R3HDM1: variants seen among roughly 807,000 people sequenced by gnomAD.
R3HDM1 encodes the protein R3H domain containing 1, also known as R3H domain-containing protein 1.
Under a neutral mutation model 141.1 loss-of-function variants are expected in R3HDM1, and 46 were observed. That is an observed-to-expected ratio of 0.33 (90% CI 0.26 to 0.42). The LOEUF is 0.42. R3HDM1 is among the 10% of genes least tolerant of loss of function. R3HDM1 has a pLI of 1.00. For missense variants in R3HDM1, 1,184 were observed against 1,368.3 expected (o/e 0.87, Z 2.12); for synonymous variants, 435 against 472.9 (o/e 0.92, Z 1.04).
intron 1 of R3HDM1, among the ~76,000 whole-genome samples, chr2:135,567,392 G>A (rs1703040366): frequency 6.6e-6 from 1 of 152,134 alleles, no homozygotes; most frequent in African/African-American, 2.4e-5. Context: ...TTGTGTATAT[G>A]CATACACGTA....
chr2:135,557,999 A>T (rs150031261), intron 1 of R3HDM1, among the ~76,000 whole-genome samples: 635 of 152,338 alleles, frequency 4.2e-3, no homozygotes, highest in Middle Eastern at 0.02. Flanking sequence ...CTAGAGAAGT[A>T]CGTATTTTAA....
intron 24 of R3HDM1, among the ~76,000 whole-genome samples, chr2:135,719,063 G>A (rs1352323213): frequency 2.6e-5 from 4 of 152,090 alleles, no homozygotes; most frequent in African/African-American, 9.7e-5. Flanking sequence ...CAGGAGAATC[G>A]CTTGAACCCG....
rs1273248994 is a variant in R3HDM1, at chr2:135,638,795, G to A, written c.992+6G>A. On this transcript the variant is annotated splice_donor_region_variant and intron_variant, in intron 13 of 26. Transcript: ENST00000683871. ...CAGAGGCGCCAGATATTTAGGTATT[G>A]GAAGCATGTTTTCAATACAGTATTG... is the stretch of plus-strand genomic sequence containing the variant. The A allele has an allele frequency of 3.7e-6, 6 of 1,613,956 alleles. No individual in the cohort carries two copies. Among genetic ancestry groups the A allele is most frequent in the South Asian group, 1.1e-5 (1 of 91,074 alleles).
rs558109201 is a variant in R3HDM1, at chr2:135,673,820, G to T, written c.2153-1512G>T. 5.3e-4 allele frequency among the ~76,000 whole-genome samples: 81 copies of T among 152,220 alleles called. No homozygotes were observed. The South Asian group carries it at 9.1e-3, about 17-fold the overall frequency. On this transcript the variant is annotated intron_variant, in intron 19 of 26. Transcript: ENST00000683871. Reference sequence around the variant, plus strand: ...TAACTGAATTTTTACTTTGGTTTTGGTTTTTTTCTGTGTTTTTGGTTTTTT... The same window carrying T: ...TAACTGAATTTTTACTTTGGTTTTGTTTTTTTTCTGTGTTTTTGGTTTTTT...
intron 18 of R3HDM1, among the ~76,000 whole-genome samples, chr2:135,659,400 G>A (rs2066398074): frequency 6.6e-6 from 1 of 151,658 alleles, no homozygotes; most frequent in South Asian, 2.1e-4. Flanking sequence ...CCCTGGCCCT[G>A]AATCTGTTTT....
In R3HDM1 at chr2:135,645,473, G is replaced by A. The variant is rs2105260697; in HGVS notation, c.1569G>A (p.Gln523=). Residue 523 remains glutamine (Q), a synonymous_variant, in exon 16 of 27, where the codon CAG becomes CAA. Transcript: ENST00000683871. ...PVRSQVPGPP[Q]PPLPAPPQQP... ...GATCCCAAGTGCCTGGACCTCCACA[G>A]CCACCTCTGCCAGCCCCACCTCAAC... 2 of 1,613,984 alleles carry A rather than the reference G, an allele frequency of 1.2e-6. No individual in the cohort carries two copies. The highest frequency in any genetic ancestry group is 1.1e-5 in the South Asian group (1 of 91,066).
At chr2:135,588,211 C>T in intron 1 of R3HDM1, among the ~76,000 whole-genome samples, 1 of 152,098 alleles carries the variant, frequency 6.6e-6, no homozygotes, top group East Asian at 1.9e-4. Context: ...CTGTTAGTCT[C>T]TGTCCATCAT....
chr2:135,711,822 G>A (rs2075672603), intron 23 of R3HDM1, among the ~76,000 whole-genome samples: 1 of 152,034 alleles, frequency 6.6e-6, no homozygotes. Flanking sequence ...AGCTGGACGT[G>A]GTGGCGGGCA....
intron 18 of R3HDM1, among the ~76,000 whole-genome samples, chr2:135,656,804 A>G (rs1197897143): frequency 6.6e-6 from 1 of 152,122 alleles, no homozygotes; most frequent in Admixed American, 6.5e-5. Flanking sequence ...CTTAAAAGAG[A>G]TATTGGCAGC....
chr2:135,607,289 G>A lies in R3HDM1; in HGVS notation c.171+2273G>A, dbSNP rs551459277. The A allele has an allele frequency of 2.0e-4, 198 of 985,258 alleles. 3 individuals are homozygous for A. The African/African-American group carries it at 3.2e-3, about 16-fold the overall frequency. The allele number at this position is 985,258 out of a possible 1,614,324, so 61.0% of individuals were successfully genotyped here. On this transcript the variant is annotated intron_variant, in intron 3 of 26. Coordinates refer to ENST00000683871, the MANE Select transcript of R3HDM1 (RefSeq NM_001378107.1). ...GGCGTGAGCCACCGCTGCTGGCCAA[G>A]AAACCTGTTTTTAAAGGTTTTCTCA... is the stretch of plus-strand genomic sequence containing the variant.
chr2:135,718,878 T>C (rs2076417582), intron 24 of R3HDM1, among the ~76,000 whole-genome samples: 1 of 152,160 alleles, frequency 6.6e-6, no homozygotes, highest in Admixed American at 6.5e-5. Flanking sequence ...CTATGCGCAG[T>C]GGCTCACACC....
Position 135,715,626 on chromosome 2 carries a change from C to T in R3HDM1, c.2813C>T (p.Thr938Ile). The change falls in exon 24 of 27, where the codon ACT becomes ATT. Residue 938 changes from threonine to isoleucine, a missense_variant. Thr to Ile is a moderately conservative substitution (Grantham distance 89, BLOSUM62 -1). Around this residue, in one of 5 missense-constraint regions of R3HDM1, gnomAD observed 182 missense variants for 252.6 expected, o/e 0.72. Transcript: ENST00000683871. ...PAPAQLSTLK[T>I]VRPSGPPLSI... is the part of the protein sequence containing the mutation. ...CCAGCTCAGCTGTCCACCCTGAAAACTGTACGTCCCTCTGGACCACCACTT... is the reference window on the plus strand; with the variant it reads ...CCAGCTCAGCTGTCCACCCTGAAAATTGTACGTCCCTCTGGACCACCACTT... The T allele has an allele frequency of 3.7e-6, 6 of 1,614,094 alleles. No homozygotes were observed. The highest frequency in any genetic ancestry group is 5.1e-6 in the Non-Finnish European group (6 of 1,179,958).
rs1467893939 is a variant in R3HDM1, at chr2:135,723,931, T to C, written c.3050-6T>C. On this transcript the variant is annotated splice_region_variant and splice_polypyrimidine_tract_variant and intron_variant, in intron 26 of 26. Transcript: ENST00000683871. ...ATGTATTGATTCTGTACCTTTTCTA[T>C]TCTAGTTGTTGGGAAGGTCTTGGAA... The C allele has an allele frequency of 6.2e-7, 1 of 1,601,132 alleles. No homozygotes were observed. The highest frequency in any genetic ancestry group is 1.7e-5 in the Admixed American group (1 of 59,290).
intron 3 of R3HDM1, chr2:135,606,131 A>T (rs2060026900): frequency 6.6e-6 from 1 of 152,204 alleles, no homozygotes; most frequent in Non-Finnish European, 1.5e-5. Context: ...AGCATCCCGG[A>T]TTGCTTCTCG....
chr2:135,547,788 T>TTTTTC (rs1699038105), intron 1 of R3HDM1, among the ~76,000 whole-genome samples: 1 of 124,858 alleles, frequency 8.0e-6, no homozygotes, highest in Non-Finnish European at 1.6e-5. Context: ...TTTTTTTTTT[T>TTTTTC]CTTGAGACAG....
chr2:135,668,772 C>A (rs997254841), intron 19 of R3HDM1, among the ~76,000 whole-genome samples: 9 of 152,222 alleles, frequency 5.9e-5, no homozygotes, highest in Non-Finnish European at 1.0e-4. Flanking sequence ...TAAAGTCTGA[C>A]TTCTTGGCAA....
intron 21 of R3HDM1, among the ~76,000 whole-genome samples, chr2:135,695,664 G>A (rs188200213): frequency 6.6e-5 from 10 of 152,218 alleles, no homozygotes; most frequent in South Asian, 4.1e-4. Flanking sequence ...AATGTCAGCC[G>A]ACTTAGAAGC....
At chr2:135,617,505 C>G (rs72988471) in intron 5 of R3HDM1, among the ~76,000 whole-genome samples, 6,684 of 151,816 alleles carry the variant, frequency 0.044, 497 homozygotes, top group African/African-American at 0.15. Context: ...CATGGTGAAA[C>G]CAATTTTCAT....
At position 135,639,129 on chromosome 2, in the gene R3HDM1, A is replaced by T. The variant is rs759485907; in HGVS notation, c.1219+7A>T. 1.2e-6 allele frequency: 2 copies of T among 1,612,722 alleles called. No individual in the cohort carries two copies. The highest frequency in any genetic ancestry group is 1.7e-6 in the Non-Finnish European group (2 of 1,178,770). On this transcript the variant is annotated splice_region_variant and intron_variant, in intron 14 of 26. Transcript: ENST00000683871. ...GGCAGGCTTTCAAAAACAGGTATAA[A>T]TATCTACACAAAACTGTGCAGTCAA...
Sources: gnomAD v4.1 joint callset for allele counts (sites outside exome capture counted in the v4.1 genomes callset) on GRCh38, gnomAD v4.1.1 for gene constraint, gnomAD v4.1.1 regional missense constraint, MANE v1.5 for transcripts, NCBI Gene and HGNC (gene_info 2026-07-23, HGNC 2026-07-21) for gene names.